Variants in RAPGEF6 observed in about 807,000 individuals in gnomAD.
RAPGEF6 encodes PDZ domain containing guanine nucleotide exchange factor (GEF) 2.
In RAPGEF6, 56 loss-of-function variants were observed where a neutral mutation model predicts 171.4. That is an observed-to-expected ratio of 0.33 (90% CI 0.26 to 0.41). RAPGEF6 has a LOEUF of 0.41. Among genes scored for constraint, RAPGEF6 ranks in the 10% least tolerant of loss-of-function variants. The pLI is 1.00. For missense variants in RAPGEF6, 1,674 were observed against 1,921.4 expected (o/e 0.87, Z 2.41); for synonymous variants, 692 against 650.1 (o/e 1.06, Z -0.98).
At chr5:131,610,428 G>A (rs1354320987) in intron 1 of RAPGEF6, among the ~76,000 whole-genome samples, 1 of 152,232 alleles carries the variant, frequency 6.6e-6, no homozygotes, top group Non-Finnish European at 1.5e-5. Context: ...ATCCTGAGCA[G>A]TAGGTGGACG....
At chr5:131,596,858 AAC>A (rs1763934374) in intron 3 of RAPGEF6, among the ~76,000 whole-genome samples, 2 of 152,350 alleles carry the variant, frequency 1.3e-5, no homozygotes, top group Non-Finnish European at 2.9e-5. Flanking sequence ...AAGACCTCAA[AAC>A]ACAGGCAACA....
At chr5:131,536,708 C>T (rs1251127570) in intron 6 of RAPGEF6, among the ~76,000 whole-genome samples, 2 of 152,078 alleles carry the variant, frequency 1.3e-5, no homozygotes, top group African/African-American at 2.4e-5. Context: ...CAATAAAAGG[C>T]ACCACTATGC....
chr5:131,495,292 C>CA (rs1476661822), intron 13 of RAPGEF6, among the ~76,000 whole-genome samples: 173 of 116,968 alleles, frequency 1.5e-3, no homozygotes, highest in Middle Eastern at 4.8e-3. Context: ...GACTCCGTCT[C>CA]AAAAAAAAAA....
intron 11 of RAPGEF6, among the ~76,000 whole-genome samples, chr5:131,503,452 C>A (rs1056329965): frequency 6.6e-6 from 1 of 152,020 alleles, no homozygotes; most frequent in Non-Finnish European, 1.5e-5. Context: ...GGCATTCCAC[C>A]AGTATGTTAA....
chr5:131,493,003 G>C (rs1756385719), intron 13 of RAPGEF6, among the ~76,000 whole-genome samples: 1 of 152,050 alleles, frequency 6.6e-6, no homozygotes, highest in African/African-American at 2.4e-5. Flanking sequence ...ATTTCCAAGT[G>C]ATGTCTCATT....
At chr5:131,458,904 T>C (rs764976924) in intron 19 of RAPGEF6, among the ~76,000 whole-genome samples, 73 of 152,190 alleles carry the variant, frequency 4.8e-4, no homozygotes, top group African/African-American at 1.3e-3. Context: ...TCCACCTGCA[T>C]TGGCCTCCAA....
At chr5:131,471,655 T>C (rs1038170342) in intron 17 of RAPGEF6, among the ~76,000 whole-genome samples, 4 of 152,174 alleles carry the variant, frequency 2.6e-5, no homozygotes, top group Non-Finnish European at 5.9e-5. Flanking sequence ...GATATATAAT[T>C]ATTCAAAGTC....
chr5:131,439,129 C>A (rs560182435), intron 24 of RAPGEF6, among the ~76,000 whole-genome samples: 1 of 152,248 alleles, frequency 6.6e-6, no homozygotes, highest in African/African-American at 2.4e-5. Context: ...GTTGCCCTGG[C>A]TGGTCTCCAA....
chr5:131,479,839 T>A, intron 15 of RAPGEF6, 86 bp from the exon 16 acceptor site: 3 of 1,366,278 alleles, frequency 2.2e-6, no homozygotes, highest in Non-Finnish European at 3.0e-6. Context: ...ATAAACACAG[T>A]GACTTTCCAT....
chr5:131,635,144 G>A lies in RAPGEF6; in HGVS notation c.-114C>T, dbSNP rs1237267118. On this transcript the variant is annotated 5_prime_UTR_variant, in exon 1 of 28. It adds an upstream start codon to the 5' untranslated region. Coordinates refer to ENST00000509018, the MANE Select transcript of RAPGEF6 (RefSeq NM_016340.6). ...CGCCCCAAGGAGGGAACTTCGCGCC[G>A]TAACAAGGTCCGAACTCTAGCAAAC... The A allele has an allele frequency of 1.4e-5, 16 of 1,116,396 alleles. No homozygotes were observed. In the Admixed American group the frequency reaches 3.6e-4, roughly 25 times the overall value. The allele number at this position is 1,116,396 out of a possible 1,614,324, so 69.2% of individuals were successfully genotyped here.
At chr5:131,599,336 A>C (rs185217123) in intron 3 of RAPGEF6, among the ~76,000 whole-genome samples, 196 of 152,228 alleles carry the variant, frequency 1.3e-3, no homozygotes, top group South Asian at 6.2e-3. Flanking sequence ...CAAAAACAAA[A>C]AACAACAACA....
At chr5:131,486,768 C>A (rs951772480) in intron 15 of RAPGEF6, among the ~76,000 whole-genome samples, 2 of 134,146 alleles carry the variant, frequency 1.5e-5, no homozygotes, top group Admixed American at 1.7e-4. Flanking sequence ...CTCGCTCTGT[C>A]CCCCAGGCGG....
chr5:131,440,115 G>C (rs1033681802), intron 23 of RAPGEF6: 1 of 421,092 alleles, frequency 2.4e-6, no homozygotes, highest in Non-Finnish European at 4.7e-6. Flanking sequence ...ATGTGGCAGG[G>C]GCAGTGTGGG....
intron 2 of RAPGEF6, 58 bp downstream of exon 2, chr5:131,604,565 T>A (rs1764436062): frequency 1.3e-6 from 2 of 1,565,712 alleles, no homozygotes; most frequent in African/African-American, 2.7e-5. Context: ...AAATATTTGG[T>A]GAATAAATGA....
intron 21 of RAPGEF6, among the ~76,000 whole-genome samples, chr5:131,450,465 T>A (rs1752993314): frequency 6.6e-6 from 1 of 152,120 alleles, no homozygotes; most frequent in African/African-American, 2.4e-5. Context: ...AGTGACAGAA[T>A]GAAATTACAA....
chr5:131,428,172 G>A (rs1449936696), intron 27 of RAPGEF6, among the ~76,000 whole-genome samples: 1 of 152,084 alleles, frequency 6.6e-6, no homozygotes, highest in East Asian at 1.9e-4. Context: ...ACTTTCGGAG[G>A]CTGGGGTGGG....
At chr5:131,493,419 C>G (rs150647498) in intron 13 of RAPGEF6, among the ~76,000 whole-genome samples, 7 of 152,212 alleles carry the variant, frequency 4.6e-5, no homozygotes, top group Non-Finnish European at 1.0e-4. Context: ...CCTTGCTTAT[C>G]TCCTGGCTGT....
rs961030539 is a variant in RAPGEF6 at position 131,505,532 on chromosome 5, A to T, written c.943-10T>A. The T allele has an allele frequency of 6.2e-7, 1 of 1,605,240 alleles. No homozygotes were observed. The highest frequency in any genetic ancestry group is 8.5e-7 in the Non-Finnish European group (1 of 1,175,674). The stretch of plus-strand genomic sequence containing the variant: ...CATACCATGAGTCAAGCTATAGAGA[A>T]AAACAAAGGTTTTATGAATCTTTTT... On this transcript the variant is annotated splice_polypyrimidine_tract_variant and intron_variant, in intron 9 of 27. Transcript: ENST00000509018.
chr5:131,519,077 T>A (rs113337728), intron 7 of RAPGEF6, among the ~76,000 whole-genome samples: 4 of 152,174 alleles, frequency 2.6e-5, no homozygotes, highest in Non-Finnish European at 5.9e-5. Context: ...TCTGAGGTGA[T>A]GGAAATATTC....
Sources: allele counts gnomAD v4.1 joint callset (sites outside exome capture counted in the v4.1 genomes callset), GRCh38; gene constraint gnomAD v4.1.1; transcripts MANE v1.5; gene names NCBI Gene and HGNC (gene_info 2026-07-23, HGNC 2026-07-21).